The following CAPN7 variants were observed in gnomAD, a reference collection of about 807,000 sequenced individuals.
The protein encoded by CAPN7 is calpain-7.
In CAPN7, 72 loss-of-function variants were observed where a neutral mutation model predicts 115.2. The ratio of observed to expected loss-of-function variants is 0.63; its 90% CI spans 0.52 to 0.76. CAPN7 has a LOEUF of 0.76. Ranked by LOEUF, CAPN7 falls within the 30% of genes least tolerant of loss-of-function variation. The pLI, the probability that CAPN7 is intolerant of heterozygous loss-of-function variation, is 0.00. For missense variants in CAPN7, 905 were observed against 971.5 expected (o/e 0.93, Z 0.91); for synonymous variants, 344 against 322.3 (o/e 1.07, Z -0.72).
At chr3:15,217,308 G>T (rs376395674) in intron 2 of CAPN7, 117 bp from the exon 3 acceptor site, 3 of 907,270 alleles carry the variant, frequency 3.3e-6, no homozygotes, top group Non-Finnish European at 4.6e-6. Flanking sequence ...ACCTTGCTAA[G>T]TTTTTTAAAT....
rs151064201 is a variant in CAPN7 at position 15,222,228 on chromosome 3, G to A, written c.638+1247G>A. ...AGAGGATATTAAAAATGTAAAACAC[G>A]GCTACTCTGGGCACACTGCCTATGG... On this transcript the variant is annotated intron_variant, in intron 5 of 20. Transcript: ENST00000253693. Among the ~76,000 whole-genome samples, 1,457 of 152,112 alleles carry A rather than the reference G, an allele frequency of 9.6e-3. 27 individuals are homozygous for A. The highest frequency in any genetic ancestry group is 0.031 in the African/African-American group (1,293 of 41,470).
Position 15,206,431 on chromosome 3 carries a change from C to T in CAPN7, c.-65C>T, listed in dbSNP as rs2044625521. The T allele has an allele frequency of 1.6e-6, 2 of 1,268,704 alleles. No individual in the cohort carries two copies. The highest frequency in any genetic ancestry group is 2.2e-6 in the Non-Finnish European group (2 of 908,310). 78.6% of individuals were successfully genotyped at this position (1,268,704 alleles called of 1,614,324 possible). On this transcript the variant is annotated 5_prime_UTR_variant, in exon 1 of 21. Transcript: ENST00000253693. Reference sequence around the variant, plus strand: ...AGTCCTCGCCGCCGCCGGGCCGCCGCAGTCCGCGAAGAGCCGTCCTGCGTC... The same window carrying T: ...AGTCCTCGCCGCCGCCGGGCCGCCGTAGTCCGCGAAGAGCCGTCCTGCGTC...
intron 14 of CAPN7, 38 bp downstream of exon 14, chr3:15,240,891 G>C (rs1213205773): frequency 8.0e-7 from 1 of 1,242,758 alleles, no homozygotes; most frequent in Non-Finnish European, 1.2e-6. Context: ...CTTTATAATA[G>C]CATCCACTTT....
intron 3 of CAPN7, among the ~76,000 whole-genome samples, chr3:15,217,813 T>G (rs1016560990): frequency 1.3e-5 from 2 of 152,236 alleles, no homozygotes; most frequent in African/African-American, 4.8e-5. Flanking sequence ...GAACTATTTT[T>G]AACATTTCTG....
At chr3:15,224,494 C>A (rs60702737) in intron 6 of CAPN7, among the ~76,000 whole-genome samples, 18,955 of 151,720 alleles carry the variant, frequency 0.12, 3,967 homozygotes, top group African/African-American at 0.43. Context: ...GCTGGTCTTG[C>A]ACTCCTGACT....
chr3:15,224,187 C>T (rs17040878), intron 6 of CAPN7, among the ~76,000 whole-genome samples: 17,903 of 151,630 alleles, frequency 0.12, 3,519 homozygotes, highest in African/African-American at 0.41. Context: ...TATTATGCTA[C>T]TCAAAATAAG....
rs1050865742 is a variant in CAPN7, at chr3:15,245,644, A to G, written c.1983A>G (p.Lys661=). The change falls in exon 17 of 21, where the codon AAA becomes AAG. Residue 661 remains lysine (K), a synonymous_variant. Transcript: ENST00000253693. The stretch of plus-strand genomic sequence containing the variant: ...CATTAGTGGTTTCTCAATATGAAAA[A>G]CAGAACACAATCCATTACACGGTTC... The part of the protein sequence containing the change: ...TFTLVVSQYE[K]QNTIHYTVRV... 2 of 1,613,886 alleles carry G rather than the reference A, an allele frequency of 1.2e-6. No individual in the cohort carries two copies. Among genetic ancestry groups the G allele is most frequent in the Non-Finnish European group, 1.7e-6 (2 of 1,179,904 alleles).
At chr3:15,229,681 T>G (rs1052790547) in intron 8 of CAPN7, among the ~76,000 whole-genome samples, 10 of 149,878 alleles carry the variant, frequency 6.7e-5, no homozygotes, top group African/African-American at 2.5e-4. Context: ...GTTCAAGCGA[T>G]TCTCCTGCCT....
chr3:15,234,458 C>T (rs1694873325), intron 11 of CAPN7, among the ~76,000 whole-genome samples: 1 of 152,154 alleles, frequency 6.6e-6, no homozygotes, highest in South Asian at 2.1e-4. Context: ...AGCCAGTCCT[C>T]AGTTATCTTC....
At chr3:15,246,411 A>G (rs1695661192) in intron 17 of CAPN7, 1 of 278,576 alleles carries the variant, frequency 3.6e-6, no homozygotes. Flanking sequence ...TGTTTGCTCT[A>G]GATAAGCGGC....
chr3:15,208,738 A>C (rs1423490991), intron 1 of CAPN7, among the ~76,000 whole-genome samples: 1 of 152,120 alleles, frequency 6.6e-6, no homozygotes, highest in African/African-American at 2.4e-5. Context: ...TTTGGGATAA[A>C]TTACCGGGGA....
chr3:15,234,539 T>G (rs1052546760), intron 11 of CAPN7, among the ~76,000 whole-genome samples: 4 of 152,154 alleles, frequency 2.6e-5, no homozygotes, highest in African/African-American at 9.7e-5. Context: ...AGAAAAATTA[T>G]TTTAGATTTA....
intron 5 of CAPN7, among the ~76,000 whole-genome samples, chr3:15,222,837 G>C (rs934383963): frequency 6.6e-6 from 1 of 152,128 alleles, no homozygotes; most frequent in African/African-American, 2.4e-5. Context: ...ATATTAAGTA[G>C]TCCTCAGATT....
chr3:15,209,772 G>A (rs2044830633), intron 1 of CAPN7, among the ~76,000 whole-genome samples: 1 of 152,194 alleles, frequency 6.6e-6, no homozygotes, highest in South Asian at 2.1e-4. Flanking sequence ...AAACTGCTAT[G>A]CACTGCCCCT....
intron 1 of CAPN7, among the ~76,000 whole-genome samples, chr3:15,207,990 G>C (rs2044726124): frequency 1.3e-5 from 2 of 152,102 alleles, no homozygotes; most frequent in African/African-American, 2.4e-5. Flanking sequence ...TTACACCACT[G>C]GCACCCCAGT....
intron 1 of CAPN7, among the ~76,000 whole-genome samples, chr3:15,206,888 A>C (rs1201088444): frequency 6.6e-6 from 1 of 152,260 alleles, no homozygotes; most frequent in Non-Finnish European, 1.5e-5. Flanking sequence ...AGATATGGGT[A>C]GTTAGTAGCC....
intron 5 of CAPN7, among the ~76,000 whole-genome samples, chr3:15,222,776 C>G (rs1694078219): frequency 6.6e-6 from 1 of 152,154 alleles, no homozygotes; most frequent in South Asian, 2.1e-4. Context: ...CATTATCTTT[C>G]CAAAATAAGG....
rs1334743150 is a variant in CAPN7, at chr3:15,206,409, C to T, written c.-87C>T. 3.0e-6 allele frequency: 3 copies of T among 997,598 alleles called. No homozygotes were observed. The highest frequency in any genetic ancestry group is 1.7e-5 in the African/African-American group (1 of 58,940). 61.8% of individuals were successfully genotyped at this position (997,598 alleles called of 1,614,324 possible). On this transcript the variant is annotated 5_prime_UTR_variant, in exon 1 of 21. Coordinates refer to ENST00000253693, the MANE Select transcript of CAPN7 (RefSeq NM_014296.3). ...CGCTCCTTCCGCGGCGCTCCCGAGT[C>T]CTCGCCGCCGCCGGGCCGCCGCAGT...
intron 6 of CAPN7, 105 bp downstream of exon 6, chr3:15,223,666 G>T (rs1694132792): frequency 1.5e-5 from 11 of 731,604 alleles, no homozygotes; most frequent in Non-Finnish European, 2.0e-5. Flanking sequence ...AAAAAAATTT[G>T]TTGGAATAGA....
Sources: gnomAD v4.1 joint callset for allele counts (sites outside exome capture counted in the v4.1 genomes callset) on GRCh38, gnomAD v4.1.1 for gene constraint, MANE v1.5 for transcripts, NCBI Gene and HGNC (gene_info 2026-07-23, HGNC 2026-07-21) for gene names.